Variants in JAZF1 observed in about 807,000 individuals in gnomAD.
The protein encoded by JAZF1 is juxtaposed with another zinc finger protein 1.
JAZF1 carries 8 observed loss-of-function variants against 26.4 expected under a neutral mutation model. That is an observed-to-expected ratio of 0.30 (90% CI 0.18 to 0.55). The LOEUF (loss-of-function observed/expected upper bound fraction) is 0.55, where lower values mean the gene tolerates loss of function less well. Among genes scored for constraint, JAZF1 ranks in the 20% least tolerant of loss-of-function variants. The pLI, the probability that JAZF1 is intolerant of heterozygous loss-of-function variation, is 0.94. For missense variants in JAZF1, 199 were observed against 322.0 expected (o/e 0.62, Z 2.92); for synonymous variants, 126 against 122.3 (o/e 1.03, Z -0.20).
In JAZF1 at chr7:28,048,735, C is replaced by G. The variant is rs113953950; in HGVS notation, c.116-56754G>C. Reference sequence around the variant, plus strand: ...TCATAGCAGCATTATTCATAATAGCCAAAAGGTAGAATCATCCCAAATGTC... The same window carrying G: ...TCATAGCAGCATTATTCATAATAGCGAAAAGGTAGAATCATCCCAAATGTC... On this transcript the variant is annotated intron_variant, in intron 1 of 4. Coordinates refer to ENST00000283928, the MANE Select transcript of JAZF1 (RefSeq NM_175061.4). 4.4e-3 allele frequency among the ~76,000 whole-genome samples: 671 copies of G among 152,128 alleles called. 3 individuals are homozygous for G. The highest frequency in any genetic ancestry group is 8.6e-3 in the Admixed American group (131 of 15,278).
intron 2 of JAZF1, among the ~76,000 whole-genome samples, chr7:27,942,269 CCT>C (rs2128352615): frequency 6.6e-6 from 1 of 152,348 alleles, no homozygotes; most frequent in South Asian, 2.1e-4. Context: ...CTCCTTCACC[CCT>C]GTGGTCAGAA....
At chr7:27,987,193 C>T (rs1400280566) in intron 2 of JAZF1, among the ~76,000 whole-genome samples, 2 of 151,992 alleles carry the variant, frequency 1.3e-5, no homozygotes, top group Non-Finnish European at 2.9e-5. Context: ...CGGCCGCCAT[C>T]CCATCTAGGA....
At chr7:27,894,908 A>G (rs1784032862) in intron 3 of JAZF1, among the ~76,000 whole-genome samples, 1 of 152,228 alleles carries the variant, frequency 6.6e-6, no homozygotes, top group Non-Finnish European at 1.5e-5. Flanking sequence ...TTAGTTGTAA[A>G]TCGGGTGATG....
At chr7:28,103,143 A>G (rs1252462383) in intron 1 of JAZF1, among the ~76,000 whole-genome samples, 5 of 148,988 alleles carry the variant, frequency 3.4e-5, no homozygotes, top group Admixed American at 1.3e-4. Context: ...TTTTCCTTCC[A>G]CCTCGGTGGT....
At chr7:28,016,747 G>C (rs1782900740) in intron 1 of JAZF1, among the ~76,000 whole-genome samples, 1 of 152,148 alleles carries the variant, frequency 6.6e-6, no homozygotes, top group South Asian at 2.1e-4. Flanking sequence ...TAAAGAGCCT[G>C]TTGAAGTCCA....
At chr7:28,082,941 A>G (rs1451805600) in intron 1 of JAZF1, among the ~76,000 whole-genome samples, 1 of 152,146 alleles carries the variant, frequency 6.6e-6, no homozygotes, top group African/African-American at 2.4e-5. Context: ...GAGAAAGTCA[A>G]AACTCCTCCA....
At chr7:27,992,634 C>A (rs538286605) in intron 1 of JAZF1, among the ~76,000 whole-genome samples, 26 of 152,208 alleles carry the variant, frequency 1.7e-4, no homozygotes. Context: ...TCCAGCACAG[C>A]ACCAAAAAGG....
intron 2 of JAZF1, among the ~76,000 whole-genome samples, chr7:27,983,896 A>G (rs967107219): frequency 1.3e-5 from 2 of 152,252 alleles, no homozygotes; most frequent in African/African-American, 4.8e-5. Flanking sequence ...AGACAAGCAA[A>G]TGCTGAGAGA....
intron 1 of JAZF1, among the ~76,000 whole-genome samples, chr7:28,070,140 CT>C (rs1313058210): frequency 1.2e-4 from 18 of 152,168 alleles, no homozygotes; most frequent in Non-Finnish European, 5.9e-5. Flanking sequence ...AGCTGTGAAC[CT>C]TTTTCTTCGT....
intron 4 of JAZF1, 94 bp from the exon 5 acceptor site, chr7:27,833,070 A>G: frequency 1.0e-6 from 1 of 959,384 alleles, no homozygotes; most frequent in East Asian, 2.7e-5. Context: ...CAGTTCCTGG[A>G]TGGCAGCTGT....
intron 1 of JAZF1, among the ~76,000 whole-genome samples, chr7:28,012,066 A>C (rs191870716): frequency 6.6e-6 from 1 of 152,328 alleles, no homozygotes; most frequent in Admixed American, 6.5e-5. Context: ...TTTTATTGTA[A>C]ATAATGTTCA....
At chr7:28,141,285 G>A (rs1353410590) in intron 1 of JAZF1, among the ~76,000 whole-genome samples, 2 of 152,174 alleles carry the variant, frequency 1.3e-5, no homozygotes, top group Admixed American at 6.5e-5. Flanking sequence ...AGAACAGAAG[G>A]TTTAAGGAAA....
intron 2 of JAZF1, among the ~76,000 whole-genome samples, chr7:27,918,374 T>C (rs567394131): frequency 3.3e-5 from 5 of 152,314 alleles, no homozygotes; most frequent in South Asian, 2.1e-4. Flanking sequence ...TGAACAACAA[T>C]TGCAACTCTA....
chr7:27,888,406 T>A (rs1330879917), intron 3 of JAZF1, among the ~76,000 whole-genome samples: 1 of 152,216 alleles, frequency 6.6e-6, no homozygotes, highest in Non-Finnish European at 1.5e-5. Context: ...TTATCTTTTT[T>A]CTGTCTGGGA....
chr7:28,100,616 A>G (rs1254100070), intron 1 of JAZF1, among the ~76,000 whole-genome samples: 1 of 152,222 alleles, frequency 6.6e-6, no homozygotes, highest in East Asian at 1.9e-4. Flanking sequence ...GTGTCCTACA[A>G]AATGGCTCAG....
At chr7:28,055,829 C>T (rs1783696907) in intron 1 of JAZF1, among the ~76,000 whole-genome samples, 2 of 152,142 alleles carry the variant, frequency 1.3e-5, no homozygotes, top group Non-Finnish European at 1.5e-5. Context: ...CCTGAAAACA[C>T]CAAAGCAATA....
At chr7:27,867,453 C>G (rs1164994319) in intron 3 of JAZF1, among the ~76,000 whole-genome samples, 1 of 152,224 alleles carries the variant, frequency 6.6e-6, no homozygotes, top group Admixed American at 6.5e-5. Flanking sequence ...CATGGGGAAA[C>G]TACAGCCTGT....
At chr7:28,048,984 T>TTCCCTTCCC (rs1783542286) in intron 1 of JAZF1, among the ~76,000 whole-genome samples, 1 of 146,502 alleles carries the variant, frequency 6.8e-6, no homozygotes, top group Non-Finnish European at 1.5e-5. Context: ...CTTCCCTTCC[T>TTCCCTTCCC]TCCCTTCCTT....
intron 1 of JAZF1, among the ~76,000 whole-genome samples, chr7:28,080,500 T>A (rs1257353813): frequency 6.6e-6 from 1 of 152,266 alleles, no homozygotes; most frequent in Non-Finnish European, 1.5e-5. Context: ...TTTCAGCCTG[T>A]GTTGGCTTTC....
Sources: allele counts gnomAD v4.1 joint callset (sites outside exome capture counted in the v4.1 genomes callset), GRCh38; gene constraint gnomAD v4.1.1; transcripts MANE v1.5; gene names NCBI Gene and HGNC (gene_info 2026-07-23, HGNC 2026-07-21).